CNTNAP4: variants seen among roughly 807,000 people sequenced by gnomAD.
The protein encoded by CNTNAP4 is contactin-associated protein-like 4.
Under a neutral mutation model 148.4 loss-of-function variants are expected in CNTNAP4, and 98 were observed. The ratio of observed to expected loss-of-function variants is 0.66; its 90% CI spans 0.56 to 0.78. CNTNAP4 has a LOEUF of 0.78. Ranked by LOEUF, CNTNAP4 falls within the 30% of genes least tolerant of loss-of-function variation. The pLI is 0.00. For missense variants in CNTNAP4, 1,935 were observed against 1,565.6 expected, an observed-to-expected ratio of 1.24 and a Z score of -3.98; for synonymous variants, 730 against 565.1, an observed-to-expected ratio of 1.29 and a Z score of -4.14.
intron 2 of CNTNAP4, among the ~76,000 whole-genome samples, chr16:76,321,338 A>G (rs1309504666): frequency 6.6e-6 from 1 of 152,224 alleles, no homozygotes; most frequent in Non-Finnish European, 1.5e-5. Flanking sequence ...CTAAATTGTT[A>G]TGCTTCTTTG....
intron 12 of CNTNAP4, among the ~76,000 whole-genome samples, chr16:76,482,920 C>T (rs1263428471): frequency 6.6e-6 from 1 of 152,256 alleles, no homozygotes; most frequent in African/African-American, 2.4e-5. Flanking sequence ...CTTCAGTATG[C>T]ACTGGCAACT....
chr16:76,401,064 C>T (rs2078397975), intron 3 of CNTNAP4, among the ~76,000 whole-genome samples: 1 of 152,044 alleles, frequency 6.6e-6, no homozygotes, highest in Admixed American at 6.6e-5. Context: ...GTTTTTTCTA[C>T]TTCTGTGAAG....
intron 1 of CNTNAP4, among the ~76,000 whole-genome samples, chr16:76,294,731 G>A (rs897778392): frequency 2.6e-5 from 4 of 152,054 alleles, no homozygotes; most frequent in Non-Finnish European, 5.9e-5. Flanking sequence ...ACTTTACTCT[G>A]CACATTTCAT....
chr16:76,474,906 T>C (rs1390991569), intron 10 of CNTNAP4, among the ~76,000 whole-genome samples: 1 of 152,140 alleles, frequency 6.6e-6, no homozygotes, highest in Non-Finnish European at 1.5e-5. Flanking sequence ...ATATACATGA[T>C]TTGGAAAAAA....
At chr16:76,374,299 ATCT>A (rs1330944174) in intron 3 of CNTNAP4, among the ~76,000 whole-genome samples, 1 of 152,190 alleles carries the variant, frequency 6.6e-6, no homozygotes, top group Non-Finnish European at 1.5e-5. Context: ...AGAGAAAAGA[ATCT>A]TCTATTTATT....
At chr16:76,345,874 C>T (rs72626200) in intron 2 of CNTNAP4, among the ~76,000 whole-genome samples, 28,465 of 152,060 alleles carry the variant, frequency 0.19, 3,482 homozygotes, top group East Asian at 0.49. Flanking sequence ...AACTTGTCTA[C>T]AGTTGAGTTG....
At chr16:76,451,599 A>ATGTGTG (rs71134761) in intron 7 of CNTNAP4, among the ~76,000 whole-genome samples, 3,539 of 141,248 alleles carry the variant, frequency 0.025, 59 homozygotes, top group African/African-American at 0.029. Context: ...TTTTAGATAG[A>ATGTGTG]TGTGTGTGTG....
intron 1 of CNTNAP4, among the ~76,000 whole-genome samples, chr16:76,295,131 G>A (rs1379766856): frequency 6.6e-6 from 1 of 152,116 alleles, no homozygotes; most frequent in Non-Finnish European, 1.5e-5. Context: ...CACAATATTT[G>A]GAGTGGTCAC....
chr16:76,536,283 C>T (rs940557326), intron 18 of CNTNAP4, among the ~76,000 whole-genome samples: 2 of 152,088 alleles, frequency 1.3e-5, no homozygotes, highest in African/African-American at 4.8e-5. Flanking sequence ...GCAACCTCCA[C>T]CTCCCAGGTT....
At chr16:76,340,269 C>T (rs1462072902) in intron 2 of CNTNAP4, among the ~76,000 whole-genome samples, 2 of 152,072 alleles carry the variant, frequency 1.3e-5, no homozygotes, top group Non-Finnish European at 2.9e-5. Flanking sequence ...CCCAAGTTCC[C>T]CCCCAAATCC....
At chr16:76,443,211 TTC>T (rs1476471017) in intron 4 of CNTNAP4, among the ~76,000 whole-genome samples, 1 of 152,100 alleles carries the variant, frequency 6.6e-6, no homozygotes, top group African/African-American at 2.4e-5. Flanking sequence ...AGAAAAATAA[TTC>T]TTATTCTTCC....
chr16:76,285,740 C>T (rs1402802470), intron 1 of CNTNAP4, among the ~76,000 whole-genome samples: 1 of 151,868 alleles, frequency 6.6e-6, no homozygotes, highest in Non-Finnish European at 1.5e-5. Flanking sequence ...AATGGACTTA[C>T]TCTGCAATTA....
chr16:76,418,555 C>A (rs144998264), intron 3 of CNTNAP4, among the ~76,000 whole-genome samples: 2 of 151,762 alleles, frequency 1.3e-5, no homozygotes, highest in African/African-American at 4.8e-5. Flanking sequence ...GATTCTTTTG[C>A]AGAGTTTTCA....
chr16:76,423,175 G>C (rs2079252671), intron 3 of CNTNAP4, among the ~76,000 whole-genome samples: 2 of 152,040 alleles, frequency 1.3e-5, no homozygotes, highest in South Asian at 4.1e-4. Flanking sequence ...AATTTTTGTT[G>C]TTTATAAGAT....
At chr16:76,480,003 T>G (rs2081756909) in intron 12 of CNTNAP4, among the ~76,000 whole-genome samples, 1 of 152,180 alleles carries the variant, frequency 6.6e-6, no homozygotes, top group African/African-American at 2.4e-5. Context: ...GAAGTTACCT[T>G]GTTTCGATAA....
intron 1 of CNTNAP4, among the ~76,000 whole-genome samples, chr16:76,284,736 G>T (rs1217269167): frequency 6.6e-6 from 1 of 151,966 alleles, no homozygotes; most frequent in African/African-American, 2.4e-5. Flanking sequence ...GTGATTGTCT[G>T]TGTATTGCAA....
At chr16:76,522,793 C>T (rs1404866380) in intron 17 of CNTNAP4, among the ~76,000 whole-genome samples, 1 of 127,322 alleles carries the variant, frequency 7.9e-6, no homozygotes, top group African/African-American at 2.7e-5. Flanking sequence ...GACAGAGTCT[C>T]GCTCTGTCAC....
chr16:76,363,612 A>G (rs774213724), intron 3 of CNTNAP4, among the ~76,000 whole-genome samples: 1 of 152,224 alleles, frequency 6.6e-6, no homozygotes, highest in African/African-American at 2.4e-5. Flanking sequence ...AAATATACCA[A>G]AAGCACAGAC....
At chr16:76,331,621 G>C (rs1963533566) in intron 2 of CNTNAP4, among the ~76,000 whole-genome samples, 1 of 149,952 alleles carries the variant, frequency 6.7e-6, no homozygotes, top group Admixed American at 6.7e-5. Context: ...CTCTACTTTT[G>C]TATCGCTTTG....
Sources: gnomAD v4.1 joint callset for allele counts (sites outside exome capture counted in the v4.1 genomes callset) on GRCh38, gnomAD v4.1.1 for gene constraint, MANE v1.5 for transcripts, NCBI Gene and HGNC (gene_info 2026-07-23, HGNC 2026-07-21) for gene names.